Variants in ZNF131 observed in about 807,000 individuals in gnomAD.
ZNF131 encodes the protein zinc finger and BTB domain containing 35, also known as zinc finger protein 131.
ZNF131 carries 7 observed loss-of-function variants against 60.0 expected under a neutral mutation model. The ratio of observed to expected loss-of-function variants is 0.12; its 90% CI spans 0.07 to 0.22. The LOEUF is 0.22. Ranked by LOEUF, ZNF131 falls within the 10% of genes least tolerant of loss-of-function variation. The probability of loss-of-function intolerance (pLI) is 1.00; values close to 1 mark genes in which losing one functional copy is unlikely to be tolerated. For missense variants in ZNF131, 493 were observed against 740.9 expected (o/e 0.67, Z 3.88); for synonymous variants, 257 against 253.2 (o/e 1.01, Z -0.14).
At chr5:43,173,290 C>A in intron 5 of ZNF131, 28 bp from the exon 6 acceptor site, 1 of 1,497,680 alleles carries the variant, frequency 6.7e-7, no homozygotes, top group South Asian at 1.4e-5. Context: ...TCTTAATTTG[C>A]CAACGTATCT....
chr5:43,158,506 T>G lies in ZNF131; in HGVS notation c.372-2743T>G, dbSNP rs2453310. Among the ~76,000 whole-genome samples the G allele has an allele frequency of 7.2e-3, 1,101 of 152,172 alleles. 16 individuals carry two copies. The highest frequency in any genetic ancestry group is 0.025 in the African/African-American group (1,058 of 41,522). The stretch of plus-strand genomic sequence containing the variant: ...GGTTTCTCTATGTTGGTCAGGCTGG[T>G]CTCGAACTCCTGACCTCAGTTGATC... On this transcript the variant is annotated intron_variant, in intron 4 of 6. Transcript: ENST00000682664.
intron 5 of ZNF131, among the ~76,000 whole-genome samples, chr5:43,164,217 G>A (rs906272382): frequency 3.4e-4 from 52 of 152,124 alleles, no homozygotes; most frequent in Admixed American, 2.2e-3. Flanking sequence ...GTATTCCCAG[G>A]ATGCAAAACC....
intron 4 of ZNF131, among the ~76,000 whole-genome samples, chr5:43,146,549 T>G (rs1579803452): frequency 6.7e-6 from 1 of 150,088 alleles, no homozygotes; most frequent in Admixed American, 6.6e-5. Context: ...GAGCCGAGAT[T>G]GCGCCACTGC....
At chr5:43,125,314 T>G (rs1744385895) in intron 3 of ZNF131, among the ~76,000 whole-genome samples, 1 of 151,668 alleles carries the variant, frequency 6.6e-6, no homozygotes, top group Non-Finnish European at 1.5e-5. Context: ...TTTTCTTTTT[T>G]TTGGAGATAG....
At chr5:43,141,213 A>G (rs139323646) in intron 4 of ZNF131, among the ~76,000 whole-genome samples, 15 of 152,284 alleles carry the variant, frequency 9.9e-5, no homozygotes, top group African/African-American at 3.1e-4. Context: ...TTGTGAATAG[A>G]TAGATGGATA....
intron 4 of ZNF131, among the ~76,000 whole-genome samples, chr5:43,141,494 G>A (rs1024265103): frequency 3.3e-5 from 5 of 151,928 alleles, no homozygotes; most frequent in African/African-American, 1.2e-4. Context: ...CAAGCCTGGC[G>A]CAGTGGCTGA....
chr5:43,129,860 G>GT (rs1745071211), intron 3 of ZNF131, among the ~76,000 whole-genome samples: 1 of 151,970 alleles, frequency 6.6e-6, no homozygotes, highest in African/African-American at 2.4e-5. Context: ...GTTTCACCAT[G>GT]TTGGTCAAGC....
intron 5 of ZNF131, among the ~76,000 whole-genome samples, chr5:43,171,233 C>G (rs934756362): frequency 6.6e-6 from 1 of 152,160 alleles, no homozygotes; most frequent in Non-Finnish European, 1.5e-5. Context: ...CAGGTGTGAG[C>G]CACCGCACCT....
chr5:43,146,952 C>T (rs1456115221), intron 4 of ZNF131, among the ~76,000 whole-genome samples: 3 of 152,106 alleles, frequency 2.0e-5, no homozygotes, highest in Non-Finnish European at 4.4e-5. Flanking sequence ...CCACCACAAT[C>T]AAGATCAGGG....
At chr5:43,172,800 C>A (rs1375955222) in intron 5 of ZNF131, among the ~76,000 whole-genome samples, 1 of 152,064 alleles carries the variant, frequency 6.6e-6, no homozygotes, top group Non-Finnish European at 1.5e-5. Context: ...ATACATATTC[C>A]ATCGCTCTTT....
intron 5 of ZNF131, among the ~76,000 whole-genome samples, chr5:43,172,945 T>TC (rs1261945213): frequency 6.6e-6 from 1 of 152,204 alleles, no homozygotes; most frequent in African/African-American, 2.4e-5. Context: ...TAGCACATGG[T>TC]CTAGCACATG....
chr5:43,141,862 A>G (rs1260461341), intron 4 of ZNF131, among the ~76,000 whole-genome samples: 9 of 152,092 alleles, frequency 5.9e-5, no homozygotes, highest in African/African-American at 2.2e-4. Flanking sequence ...CTTGAACCAG[A>G]TAGGCATGTA....
At chr5:43,130,637 T>C (rs1269134216) in intron 3 of ZNF131, among the ~76,000 whole-genome samples, 1 of 152,052 alleles carries the variant, frequency 6.6e-6, no homozygotes, top group Non-Finnish European at 1.5e-5. Context: ...TGATCTCGGC[T>C]CACCGCAACC....
chr5:43,154,456 A>G (rs1388575290), intron 4 of ZNF131, among the ~76,000 whole-genome samples: 1 of 151,968 alleles, frequency 6.6e-6, no homozygotes, highest in African/African-American at 2.4e-5. Context: ...GCAATGGTGA[A>G]GCACCACTGA....
Position 43,175,097 on chromosome 5 carries a change from G to C in ZNF131, c.1836G>C (p.Glu612Asp), listed in dbSNP as rs1751439820. Residue 612 changes from glutamate (E) to aspartate (D), a missense_variant, in exon 7 of 7, where the codon GAG becomes GAC. Glu to Asp is a conservative substitution (Grantham distance 45). Coordinates refer to ENST00000682664, the MANE Select transcript of ZNF131 (RefSeq NM_001330707.2). ...TGGATTCTGAAGCAGAAAAGGCAGAGAATGAGGACAGAACAGCTCTGCCAG... is the reference window on the plus strand; with the variant it reads ...TGGATTCTGAAGCAGAAAAGGCAGACAATGAGGACAGAACAGCTCTGCCAG... ...PTVDSEAEKAENEDRTALPVL... is the reference protein window; with the variant it reads ...PTVDSEAEKADNEDRTALPVL... The C allele has an allele frequency of 3.1e-6, 5 of 1,613,946 alleles. No homozygotes were observed. Among genetic ancestry groups the C allele is most frequent in the African/African-American group, 2.7e-5 (2 of 74,930 alleles).
At chr5:43,134,700 T>C (rs912164287) in intron 3 of ZNF131, among the ~76,000 whole-genome samples, 7 of 142,082 alleles carry the variant, frequency 4.9e-5, no homozygotes, top group East Asian at 2.0e-4. Context: ...TTTCTTTTTT[T>C]TTTTTTTTTT....
At chr5:43,126,847 A>C (rs1744617995) in intron 3 of ZNF131, among the ~76,000 whole-genome samples, 1 of 151,964 alleles carries the variant, frequency 6.6e-6, no homozygotes, top group Admixed American at 6.6e-5. Context: ...AAATTACCAG[A>C]TATCCACCCC....
At chr5:43,131,057 G>A (rs896315361) in intron 3 of ZNF131, among the ~76,000 whole-genome samples, 1 of 151,660 alleles carries the variant, frequency 6.6e-6, no homozygotes, top group African/African-American at 2.4e-5. Flanking sequence ...TAGAGATGGG[G>A]TTTCGCCTTG....
intron 4 of ZNF131, 75 bp from the exon 5 acceptor site, chr5:43,161,174 C>T (rs1426529773): frequency 7.5e-7 from 1 of 1,327,168 alleles, no homozygotes; most frequent in Non-Finnish European, 1.0e-6. Context: ...TTTATTGCCA[C>T]TTTATCAGTT....
Sources: gnomAD v4.1 joint callset for allele counts (sites outside exome capture counted in the v4.1 genomes callset) on GRCh38, gnomAD v4.1.1 for gene constraint, MANE v1.5 for transcripts, NCBI Gene and HGNC (gene_info 2026-07-23, HGNC 2026-07-21) for gene names.